Variants in RBFOX1 observed in about 807,000 individuals in gnomAD.
RBFOX1 encodes the protein RNA binding protein fox-1 homolog 1.
RBFOX1 carries 8 observed loss-of-function variants against 57.7 expected under a neutral mutation model. The ratio of observed to expected loss-of-function variants is 0.14; its 90% confidence interval spans 0.08 to 0.25. The LOEUF is 0.25. RBFOX1 is among the 10% of genes least tolerant of loss of function. The pLI is 1.00. For synonymous variants in RBFOX1, 326 were observed against 222.4 expected, an observed-to-expected ratio of 1.47 and a Z score of -4.15; for missense variants, 611 against 548.5, an observed-to-expected ratio of 1.11 and a Z score of -1.14.
intron 3 of RBFOX1, among the ~76,000 whole-genome samples, chr16:6,919,384 C>G (rs984339278): frequency 1.3e-5 from 2 of 152,012 alleles, no homozygotes; most frequent in South Asian, 4.2e-4. Flanking sequence ...AGTTTAGGTT[C>G]TCTTATTAGC....
At chr16:5,962,905 A>T (rs1260608036) in intron 4 of RBFOX1, among the ~76,000 whole-genome samples, 1 of 145,988 alleles carries the variant, frequency 6.8e-6, no homozygotes, top group African/African-American at 2.5e-5. Flanking sequence ...GATAGGGCTT[A>T]TCTTTGGGAC....
At chr16:7,448,992 C>T (rs951193219) in intron 4 of RBFOX1, among the ~76,000 whole-genome samples, 8 of 117,180 alleles carry the variant, frequency 6.8e-5, no homozygotes, top group South Asian at 5.8e-4. Flanking sequence ...TGCAATGGCG[C>T]GATATCGGCT....
intron 1 of RBFOX1, among the ~76,000 whole-genome samples, chr16:6,068,396 G>T (rs1339968970): frequency 6.6e-6 from 1 of 152,222 alleles, no homozygotes; most frequent in Non-Finnish European, 1.5e-5. Flanking sequence ...TTTATACAAA[G>T]GCTGGAGTGT....
chr16:5,961,243 C>A (rs941749830), intron 4 of RBFOX1, among the ~76,000 whole-genome samples: 3 of 152,054 alleles, frequency 2.0e-5, no homozygotes, highest in Non-Finnish European at 4.4e-5. Flanking sequence ...ACAGAGCATG[C>A]TGAACATTTT....
At chr16:5,802,583 C>T (rs2055096273) in intron 3 of RBFOX1, among the ~76,000 whole-genome samples, 2 of 152,156 alleles carry the variant, frequency 1.3e-5, no homozygotes. Flanking sequence ...GTTTTCAGAT[C>T]TTTCTCTTGA....
intron 4 of RBFOX1, among the ~76,000 whole-genome samples, chr16:7,470,002 C>CTACA (rs1338414836): frequency 6.7e-6 from 1 of 148,564 alleles, no homozygotes; most frequent in Admixed American, 6.8e-5. Flanking sequence ...GTTCAAGGTG[C>CTACA]TACAGCATGG....
intron 4 of RBFOX1, among the ~76,000 whole-genome samples, chr16:7,482,211 G>A (rs1034247586): frequency 1.3e-5 from 2 of 152,194 alleles, no homozygotes; most frequent in African/African-American, 4.8e-5. Context: ...AGAACGCTGG[G>A]CACAGTGCCT....
At chr16:5,838,197 AT>A in intron 3 of RBFOX1, 1 of 177,282 alleles carries the variant, frequency 5.6e-6, no homozygotes. Flanking sequence ...CTATGCTCAC[AT>A]TACCACACAT....
At chr16:6,977,590 C>T (rs137928078) in intron 3 of RBFOX1, among the ~76,000 whole-genome samples, 27 of 152,154 alleles carry the variant, frequency 1.8e-4, no homozygotes, top group African/African-American at 5.5e-4. Flanking sequence ...TAACTCAGGA[C>T]AGATGGATTT....
chr16:7,065,654 G>A (rs1003636064), intron 4 of RBFOX1, among the ~76,000 whole-genome samples: 1 of 151,946 alleles, frequency 6.6e-6, no homozygotes, highest in Admixed American at 6.6e-5. Flanking sequence ...TATTTTTTAG[G>A]GTAAGAATAC....
chr16:6,423,161 C>G (rs990044782), intron 2 of RBFOX1, among the ~76,000 whole-genome samples: 3 of 152,352 alleles, frequency 2.0e-5, no homozygotes, highest in Non-Finnish European at 4.4e-5. Flanking sequence ...GTTCACTTCT[C>G]TGTCCAGTCT....
At chr16:6,741,579 G>A (rs1322005671) in intron 3 of RBFOX1, among the ~76,000 whole-genome samples, 2 of 151,682 alleles carry the variant, frequency 1.3e-5, no homozygotes, top group South Asian at 2.1e-4. Context: ...TGAGGTAGGA[G>A]AATCGCTTGA....
chr16:6,898,040 C>T (rs939520731), intron 3 of RBFOX1, among the ~76,000 whole-genome samples: 1 of 152,140 alleles, frequency 6.6e-6, no homozygotes, highest in African/African-American at 2.4e-5. Context: ...TTTTCCTTTT[C>T]CTCGGTGTTT....
chr16:7,708,385 G>C (rs986511573), intron 14 of RBFOX1, among the ~76,000 whole-genome samples: 2 of 152,190 alleles, frequency 1.3e-5, no homozygotes, highest in Admixed American at 6.5e-5. Flanking sequence ...ACAAAGATGA[G>C]TAAATGTCAT....
At chr16:6,730,987 T>C (rs538087625) in intron 3 of RBFOX1, among the ~76,000 whole-genome samples, 1 of 152,270 alleles carries the variant, frequency 6.6e-6, no homozygotes, top group East Asian at 1.9e-4. Flanking sequence ...CTGCTTTTGT[T>C]AGTATCATTG....
intron 2 of RBFOX1, among the ~76,000 whole-genome samples, chr16:6,599,471 A>C (rs2097821804): frequency 1.3e-5 from 2 of 152,204 alleles, no homozygotes; most frequent in Non-Finnish European, 2.9e-5. Flanking sequence ...GCTTCAAAAA[A>C]ATACTAAGCG....
At chr16:7,169,002 A>G (rs539850568) in intron 4 of RBFOX1, among the ~76,000 whole-genome samples, 26 of 152,332 alleles carry the variant, frequency 1.7e-4, no homozygotes, top group African/African-American at 5.1e-4. Flanking sequence ...GCAATAAACT[A>G]TAGCACAGAA....
chr16:6,156,181 C>A (rs1361427289), intron 1 of RBFOX1, among the ~76,000 whole-genome samples: 1 of 152,084 alleles, frequency 6.6e-6, no homozygotes, highest in Non-Finnish European at 1.5e-5. Context: ...TATGTTTTTC[C>A]TAATAGAGGT....
intron 1 of RBFOX1, among the ~76,000 whole-genome samples, chr16:5,276,650 G>C (rs997601465): frequency 6.6e-6 from 1 of 152,176 alleles, no homozygotes; most frequent in African/African-American, 2.4e-5. Flanking sequence ...GGGCATGGTG[G>C]CGGTTGCCTG....
Sources: allele counts gnomAD v4.1 joint callset (sites outside exome capture counted in the v4.1 genomes callset), GRCh38; gene constraint gnomAD v4.1.1; transcripts MANE v1.5; gene names NCBI Gene and HGNC (gene_info 2026-07-23, HGNC 2026-07-21).